The following ZNF892 variants were observed in gnomAD, a reference collection of about 807,000 sequenced individuals.
The protein encoded by ZNF892 is zinc finger protein 892.
At chr2:95,211,603 T>G in the ZNF892 span, 1 of 398,456 alleles carries the variant, frequency 2.5e-6, no homozygotes, top group Non-Finnish European at 4.4e-6. Context: ...AGCACCAATG[T>G]GTTTGGTTTT....
the ZNF892 span, among the ~76,000 whole-genome samples, chr2:95,253,323 C>T: frequency 1.3e-5 from 2 of 152,156 alleles, no homozygotes; most frequent in Non-Finnish European, 2.9e-5. Flanking sequence ...TTTTCCAGCA[C>T]CATTTATTAA....
chr2:95,247,398 A>G, the ZNF892 span, among the ~76,000 whole-genome samples: 2 of 152,256 alleles, frequency 1.3e-5, no homozygotes, highest in Non-Finnish European at 2.9e-5. Flanking sequence ...CTCAAAGTAT[A>G]AGAATCCTAG....
chr2:95,257,381 A>G, the ZNF892 span, among the ~76,000 whole-genome samples: 1 of 152,220 alleles, frequency 6.6e-6, no homozygotes, highest in Non-Finnish European at 1.5e-5. Flanking sequence ...GCTGCAGAAC[A>G]GCAGATAGTG....
chr2:95,256,930 C>A, the ZNF892 span, among the ~76,000 whole-genome samples: 1 of 152,210 alleles, frequency 6.6e-6, no homozygotes. Context: ...CCATCAGGTC[C>A]TTTAAGGACT....
chr2:95,206,932 G>C, the ZNF892 span, among the ~76,000 whole-genome samples: 32 of 152,210 alleles, frequency 2.1e-4, no homozygotes, highest in Non-Finnish European at 3.8e-4. Context: ...TAACGAGTTA[G>C]AGTAAAAACA....
the ZNF892 span, among the ~76,000 whole-genome samples, chr2:95,245,455 G>GT: frequency 2.8e-4 from 30 of 105,438 alleles, 1 homozygote; most frequent in East Asian, 3.1e-3. Context: ...GACGGCGGGG[G>GT]GGGGGGGGTT....
At chr2:95,245,456 G>C in the ZNF892 span, among the ~76,000 whole-genome samples, 143 of 104,446 alleles carry the variant, frequency 1.4e-3, 6 homozygotes, top group African/African-American at 4.8e-3. Flanking sequence ...ACGGCGGGGG[G>C]GGGGGGGTTT....
chr2:95,230,974 G>A, the ZNF892 span, among the ~76,000 whole-genome samples: 1 of 152,166 alleles, frequency 6.6e-6, no homozygotes, highest in Non-Finnish European at 1.5e-5. Context: ...AAAAATATAA[G>A]GAAGGTCTCA....
At chr2:95,258,610 A>C in the ZNF892 span, among the ~76,000 whole-genome samples, 29 of 152,172 alleles carry the variant, frequency 1.9e-4, no homozygotes, top group Non-Finnish European at 3.8e-4. Context: ...GAGGACAAAG[A>C]ACGAGGGAGT....
At chr2:95,242,378 A>G in the ZNF892 span, among the ~76,000 whole-genome samples, 1 of 152,226 alleles carries the variant, frequency 6.6e-6, no homozygotes, top group African/African-American at 2.4e-5. Flanking sequence ...CCAGAATTAC[A>G]TATCCAGCCA....
At chr2:95,212,122 C>T in the ZNF892 span, 3 of 397,902 alleles carry the variant, frequency 7.5e-6, no homozygotes, top group African/African-American at 4.1e-5. Context: ...CCCTCTCTTA[C>T]CATGTTCCTA....
the ZNF892 span, among the ~76,000 whole-genome samples, chr2:95,240,633 C>T: frequency 6.6e-6 from 1 of 152,152 alleles, no homozygotes; most frequent in Admixed American, 6.5e-5. Context: ...AGAAAGGGTG[C>T]TGAATCCAGG....
chr2:95,240,565 T>A, the ZNF892 span, among the ~76,000 whole-genome samples: 1 of 152,206 alleles, frequency 6.6e-6, no homozygotes, highest in Non-Finnish European at 1.5e-5. Flanking sequence ...CCAGGAGTTT[T>A]ACATACTCCA....
the ZNF892 span, among the ~76,000 whole-genome samples, chr2:95,252,713 G>A: frequency 2.0e-5 from 3 of 152,184 alleles, no homozygotes; most frequent in Non-Finnish European, 4.4e-5. Flanking sequence ...CAGTGTGAAA[G>A]TGTTCCTATT....
the ZNF892 span, among the ~76,000 whole-genome samples, chr2:95,244,926 C>T: frequency 3.3e-5 from 5 of 152,182 alleles, no homozygotes; most frequent in African/African-American, 1.2e-4. Context: ...GAACAACCTG[C>T]TCCTGAATGA....
the ZNF892 span, among the ~76,000 whole-genome samples, chr2:95,261,090 T>G: frequency 1.3e-5 from 2 of 152,070 alleles, no homozygotes; most frequent in Non-Finnish European, 2.9e-5. Context: ...GGCTACAAGT[T>G]TGAGTTTTCA....
the ZNF892 span, among the ~76,000 whole-genome samples, chr2:95,262,658 G>A: frequency 6.6e-6 from 1 of 152,226 alleles, no homozygotes; most frequent in East Asian, 1.9e-4. Flanking sequence ...TGATAGAGTA[G>A]AAAGAGAGAA....
chr2:95,260,041 G>A, the ZNF892 span, among the ~76,000 whole-genome samples: 1 of 152,192 alleles, frequency 6.6e-6, no homozygotes, highest in South Asian at 2.1e-4. Flanking sequence ...GGTGCCCTGG[G>A]AAGCTTCTGT....
the ZNF892 span, among the ~76,000 whole-genome samples, chr2:95,244,507 A>G: frequency 6.6e-6 from 1 of 152,218 alleles, no homozygotes; most frequent in African/African-American, 2.4e-5. Flanking sequence ...TTATAAATAT[A>G]TATTCCTAAT....
Sources: allele counts gnomAD v4.1 joint callset (sites outside exome capture counted in the v4.1 genomes callset), GRCh38; gene constraint gnomAD v4.1.1; transcripts MANE v1.5; gene names NCBI Gene and HGNC (gene_info 2026-07-23, HGNC 2026-07-21).